DCLK2: variants seen among roughly 807,000 people sequenced by gnomAD.
DCLK2 encodes serine/threonine-protein kinase DCLK2.
In DCLK2, 31 loss-of-function variants were observed where a neutral mutation model predicts 78.4. That is an observed-to-expected ratio of 0.40 (90% confidence interval 0.30 to 0.53). DCLK2 has a LOEUF of 0.53. DCLK2 is among the 20% of genes least tolerant of loss of function. The pLI is 0.61. For missense variants in DCLK2, 872 were observed against 973.7 expected (o/e 0.90, Z 1.39); for synonymous variants, 407 against 374.9 (o/e 1.09, Z -0.99).
chr4:150,150,206 A>AT (rs1268319324), intron 2 of DCLK2, among the ~76,000 whole-genome samples: 1 of 152,242 alleles, frequency 6.6e-6, no homozygotes, highest in Non-Finnish European at 1.5e-5. Context: ...AAAGTATCGT[A>AT]TACTACTGTC....
At chr4:150,142,221 T>C (rs550685403) in intron 2 of DCLK2, among the ~76,000 whole-genome samples, 2 of 152,302 alleles carry the variant, frequency 1.3e-5, no homozygotes, top group South Asian at 4.1e-4. Flanking sequence ...CCTCTTTAGA[T>C]TCGCAATCAG....
At chr4:150,254,419 T>G in intron 15 of DCLK2, 1 of 399,042 alleles carries the variant, frequency 2.5e-6, no homozygotes, top group Non-Finnish European at 4.4e-6. Flanking sequence ...TGCTTCCCTC[T>G]GGCTAGGTCC....
chr4:150,206,730 C>T (rs974006835), intron 5 of DCLK2, among the ~76,000 whole-genome samples: 1 of 152,138 alleles, frequency 6.6e-6, no homozygotes, highest in Admixed American at 6.5e-5. Context: ...TAACTAATGT[C>T]TCTGCCACAC....
At chr4:150,192,348 C>T (rs1738515060) in intron 2 of DCLK2, among the ~76,000 whole-genome samples, 1 of 151,876 alleles carries the variant, frequency 6.6e-6, no homozygotes, top group Non-Finnish European at 1.5e-5. Context: ...GGTGTGGTGG[C>T]ATGCACCTGT....
At chr4:150,175,678 A>G (rs1258039580) in intron 2 of DCLK2, 1 of 152,158 alleles carries the variant, frequency 6.6e-6, no homozygotes, top group Non-Finnish European at 1.5e-5. Context: ...ACGGTTTCAT[A>G]TTTAGTCTTG....
intron 2 of DCLK2, among the ~76,000 whole-genome samples, chr4:150,168,183 A>G (rs1052670425): frequency 6.6e-6 from 1 of 152,122 alleles, no homozygotes; most frequent in Non-Finnish European, 1.5e-5. Flanking sequence ...CTCTACTAAA[A>G]ATACAAAAAA....
chr4:150,164,738 G>A (rs1338496513), intron 2 of DCLK2, among the ~76,000 whole-genome samples: 4 of 152,186 alleles, frequency 2.6e-5, no homozygotes, highest in Non-Finnish European at 2.9e-5. Context: ...GGTGGAGGTT[G>A]CAGTGAGCTG....
At chr4:150,136,938 C>T (rs768121494) in intron 2 of DCLK2, among the ~76,000 whole-genome samples, 5 of 149,990 alleles carry the variant, frequency 3.3e-5, no homozygotes, top group Non-Finnish European at 1.5e-5. Flanking sequence ...AACTGTAATT[C>T]CAAAAATGTA....
intron 5 of DCLK2, among the ~76,000 whole-genome samples, chr4:150,211,291 G>A (rs1222844248): frequency 6.6e-6 from 1 of 151,936 alleles, no homozygotes; most frequent in African/African-American, 2.4e-5. Context: ...ACAGCAGGTG[G>A]CTTTCCCCAG....
chr4:150,181,001 C>T (rs1737469834), intron 2 of DCLK2, among the ~76,000 whole-genome samples: 1 of 152,124 alleles, frequency 6.6e-6, no homozygotes, highest in South Asian at 2.1e-4. Context: ...CCTGGACAGA[C>T]AGGCATTGCT....
chr4:150,203,743 G>A (rs373050578), intron 4 of DCLK2, 52 bp from the exon 5 acceptor site: 25 of 1,441,220 alleles, frequency 1.7e-5, no homozygotes, highest in Non-Finnish European at 2.4e-5. Context: ...ATACAGTCTG[G>A]TTGTTGTGGG....
At chr4:150,120,630 TATAAA>T (rs1732461973) in intron 2 of DCLK2, among the ~76,000 whole-genome samples, 1 of 152,212 alleles carries the variant, frequency 6.6e-6, no homozygotes, top group Non-Finnish European at 1.5e-5. Context: ...ATAAAGTGAA[TATAAA>T]ATAAAATGAA....
intron 6 of DCLK2, among the ~76,000 whole-genome samples, chr4:150,221,039 A>G (rs1285442596): frequency 6.6e-6 from 1 of 152,234 alleles, no homozygotes; most frequent in East Asian, 1.9e-4. Context: ...ATCTGATCAC[A>G]ACTTCTAAAT....
In DCLK2 at chr4:150,102,582, G is replaced by C. The variant is rs1730962200; in HGVS notation, c.526G>C (p.Ala176Pro). The change falls in exon 2 of 16, where the codon GCG becomes CCG. Residue 176 changes from alanine (A) to proline (P), a missense_variant. Physicochemically the swap from Ala to Pro is conservative, Grantham distance 27. This residue lies in a region of DCLK2 where 567 missense variants were observed against 593.4 expected (regional missense o/e 0.96). Transcript: ENST00000296550. ...SVNIKGGTSR[A>P]LAAASSVKSE... ...GAACATCAAGGGTGGGACATCCCGA[G>C]CGCTGGCTGCTGCCTCCTCTGTGAA... 1 of 1,614,184 alleles carries C rather than the reference G, an allele frequency of 6.2e-7. No homozygotes were observed. The highest frequency in any genetic ancestry group is 8.5e-7 in the Non-Finnish European group (1 of 1,180,022).
At chr4:150,248,103 T>G (rs1051032652) in intron 13 of DCLK2, among the ~76,000 whole-genome samples, 1 of 152,236 alleles carries the variant, frequency 6.6e-6, no homozygotes, top group Non-Finnish European at 1.5e-5. Context: ...TAGTTTCACA[T>G]GGACTCAGGA....
rs567099792 is a variant in DCLK2, at chr4:150,232,933, A to G, written c.1566+105A>G. The G allele has an allele frequency of 6.8e-5, 95 of 1,390,888 alleles. No individual in the cohort carries two copies. In the African/African-American group the frequency reaches 1.3e-3, roughly 19 times the overall value. The allele number at this position is 1,390,888 out of a possible 1,614,324, so 86.2% of individuals were successfully genotyped here. A position where few individuals can be genotyped will look rare whatever the true frequency, so the allele number is the denominator to read the frequency against. ...TAGTCTATACCAATCCTACATTATG[A>G]GACTTTAAATTTAGAAAATTAGCAA... On this transcript the variant is annotated intron_variant, in intron 10 of 15. Transcript: ENST00000296550.
intron 2 of DCLK2, among the ~76,000 whole-genome samples, chr4:150,123,658 G>C (rs2150185737): frequency 6.6e-6 from 1 of 152,286 alleles, no homozygotes; most frequent in East Asian, 1.9e-4. Flanking sequence ...TTCGTAAAAA[G>C]CTCAGTGTCT....
chr4:150,247,728 G>C, intron 13 of DCLK2, 29 bp downstream of exon 13: 3 of 1,585,100 alleles, frequency 1.9e-6, no homozygotes, highest in Non-Finnish European at 2.6e-6. Flanking sequence ...TCTGTGGGTT[G>C]TATTACGTTG....
chr4:150,172,764 G>T (rs867739423), intron 2 of DCLK2, among the ~76,000 whole-genome samples: 27 of 128,060 alleles, frequency 2.1e-4, no homozygotes, highest in Admixed American at 7.5e-4. Context: ...TTTTTTTGGG[G>T]GGGGGGGGGA....
Sources: gnomAD v4.1 joint callset for allele counts (sites outside exome capture counted in the v4.1 genomes callset) on GRCh38, gnomAD v4.1.1 for gene constraint, gnomAD v4.1.1 regional missense constraint, MANE v1.5 for transcripts, NCBI Gene and HGNC (gene_info 2026-07-23, HGNC 2026-07-21) for gene names.